CSMD3: variants seen among roughly 807,000 people sequenced by gnomAD.
The protein encoded by CSMD3 is CUB and Sushi multiple domains 3, also known as CUB and sushi domain-containing protein 3.
In CSMD3, 177 loss-of-function variants were observed where a neutral mutation model predicts 435.2. The ratio of observed to expected loss-of-function variants is 0.41; its 90% CI spans 0.36 to 0.46. The LOEUF is 0.46. Among genes scored for constraint, CSMD3 ranks in the 20% least tolerant of loss-of-function variants. The pLI is 0.34. For synonymous variants in CSMD3, 1,656 were observed against 1,520.5 expected (o/e 1.09, Z -2.07); for missense variants, 4,265 against 4,504.6 (o/e 0.95, Z 1.52).
intron 59 of CSMD3, among the ~76,000 whole-genome samples, chr8:112,279,966 T>C (rs1818466467): frequency 1.3e-5 from 2 of 152,084 alleles, no homozygotes; most frequent in South Asian, 4.1e-4. Context: ...ATATATTAAC[T>C]ACAACTGATT....
intron 47 of CSMD3, among the ~76,000 whole-genome samples, chr8:112,318,534 G>A (rs893798412): frequency 1.3e-5 from 2 of 152,066 alleles, no homozygotes; most frequent in African/African-American, 2.4e-5. Context: ...TTTATTTAAA[G>A]TGATTTCCCT....
At chr8:112,394,508 C>T (rs1388213733) in intron 35 of CSMD3, among the ~76,000 whole-genome samples, 1 of 152,162 alleles carries the variant, frequency 6.6e-6, no homozygotes, top group East Asian at 1.9e-4. Flanking sequence ...GCCCTCTGCT[C>T]TGCCTCTCTA....
intron 23 of CSMD3, among the ~76,000 whole-genome samples, chr8:112,583,458 T>C (rs1395810425): frequency 6.6e-6 from 1 of 152,024 alleles, no homozygotes; most frequent in Non-Finnish European, 1.5e-5. Flanking sequence ...TTTTTTTTAA[T>C]GTGAACATTA....
intron 8 of CSMD3, among the ~76,000 whole-genome samples, chr8:112,953,964 T>C (rs1295139146): frequency 3.3e-5 from 5 of 151,532 alleles, no homozygotes; most frequent in Non-Finnish European, 7.4e-5. Context: ...GTTTCTAATA[T>C]GCAACAGTAT....
chr8:112,948,702 T>C (rs2083699313), intron 8 of CSMD3, among the ~76,000 whole-genome samples: 1 of 151,216 alleles, frequency 6.6e-6, no homozygotes, highest in Non-Finnish European at 1.5e-5. Flanking sequence ...TTTATCAATT[T>C]ACCTGCTTTT....
intron 9 of CSMD3, among the ~76,000 whole-genome samples, chr8:112,938,737 G>T (rs745962186): frequency 6.6e-6 from 1 of 152,098 alleles, no homozygotes; most frequent in Non-Finnish European, 1.5e-5. Flanking sequence ...AATGAAATAT[G>T]ACAAAAGTGG....
At chr8:112,870,853 T>G (rs2446469) in intron 10 of CSMD3, among the ~76,000 whole-genome samples, 113,935 of 152,016 alleles carry the variant, frequency 0.75, 43,497 homozygotes, top group East Asian at 0.93. Flanking sequence ...AGCAGATAAA[T>G]CTGGTTTTAC....
At chr8:113,234,279 C>T (rs896768915) in intron 3 of CSMD3, among the ~76,000 whole-genome samples, 1 of 152,078 alleles carries the variant, frequency 6.6e-6, no homozygotes, top group African/African-American at 2.4e-5. Flanking sequence ...TACTGACAGA[C>T]ACTGGCATCG....
intron 1 of CSMD3, chr8:113,376,978 C>A: frequency 2.2e-6 from 3 of 1,352,058 alleles, no homozygotes; most frequent in Non-Finnish European, 2.0e-6. Context: ...GTGTGCGCTG[C>A]GCATGACCAG....
intron 10 of CSMD3, among the ~76,000 whole-genome samples, chr8:112,862,400 A>T (rs981516712): frequency 1.3e-5 from 2 of 151,908 alleles, no homozygotes; most frequent in African/African-American, 4.8e-5. Flanking sequence ...TCTTTTGCAG[A>T]TTTAGCAGTA....
At chr8:112,561,158 C>A (rs1828588245) in intron 24 of CSMD3, among the ~76,000 whole-genome samples, 2 of 151,598 alleles carry the variant, frequency 1.3e-5, no homozygotes, top group African/African-American at 4.8e-5. Context: ...CATAAATATG[C>A]AGAAATGTCT....
At chr8:113,269,677 T>C (rs1454135130) in intron 3 of CSMD3, among the ~76,000 whole-genome samples, 1 of 149,608 alleles carries the variant, frequency 6.7e-6, no homozygotes, top group African/African-American at 2.5e-5. Flanking sequence ...CCATCTGATC[T>C]TTGACAAACC....
intron 1 of CSMD3, among the ~76,000 whole-genome samples, chr8:113,327,705 G>C (rs1042811432): frequency 6.6e-6 from 1 of 151,830 alleles, no homozygotes; most frequent in Non-Finnish European, 1.5e-5. Flanking sequence ...TGCACATGTT[G>C]CTGTTATTTG....
intron 5 of CSMD3, among the ~76,000 whole-genome samples, chr8:113,064,874 C>T (rs779005998): frequency 6.6e-6 from 1 of 152,100 alleles, no homozygotes; most frequent in Non-Finnish European, 1.5e-5. Context: ...TATCCTGAAT[C>T]AACTCCATTA....
At chr8:112,503,576 C>G (rs1230501819) in intron 30 of CSMD3, among the ~76,000 whole-genome samples, 1 of 152,058 alleles carries the variant, frequency 6.6e-6, no homozygotes, top group African/African-American at 2.4e-5. Flanking sequence ...TGCCTGATAC[C>G]TTTCCTTTGG....
intron 2 of CSMD3, chr8:113,310,654 CTG>C (rs1480245507): frequency 9.9e-5 from 15 of 151,656 alleles, no homozygotes; most frequent in African/African-American, 3.6e-4. Flanking sequence ...TCTGGGAAGA[CTG>C]AGAGGTAATG....
chr8:112,847,382 G>GA (rs1210023993), intron 11 of CSMD3, among the ~76,000 whole-genome samples: 1 of 152,124 alleles, frequency 6.6e-6, no homozygotes, highest in African/African-American at 2.4e-5. Flanking sequence ...ATGGGGTGCA[G>GA]AAGTATGAGA....
rs924097965 is a variant in CSMD3, at chr8:112,314,637, T to C, written c.7361-20A>G. 1.9e-6 allele frequency: 3 copies of C among 1,576,116 alleles called. No individual in the cohort carries two copies. The highest frequency in any genetic ancestry group is 3.3e-5 in the Admixed American group (2 of 59,874). ...AGAGCACTGTCAAAGAAAAATGTCATTAAATAATGCCAGTCTTTTAGAGCC... is the reference window on the plus strand; with the variant it reads ...AGAGCACTGTCAAAGAAAAATGTCACTAAATAATGCCAGTCTTTTAGAGCC... On this transcript the variant is annotated intron_variant, in intron 47 of 70. Coordinates refer to ENST00000297405, the MANE Select transcript of CSMD3 (RefSeq NM_198123.2).
At chr8:113,208,779 T>TAC (rs1164604731) in intron 3 of CSMD3, among the ~76,000 whole-genome samples, 1 of 152,058 alleles carries the variant, frequency 6.6e-6, no homozygotes, top group East Asian at 1.9e-4. Context: ...ACCTTATATA[T>TAC]ACAGACATAT....
Sources: allele counts gnomAD v4.1 joint callset (sites outside exome capture counted in the v4.1 genomes callset), GRCh38; gene constraint gnomAD v4.1.1; transcripts MANE v1.5; gene names NCBI Gene and HGNC (gene_info 2026-07-23, HGNC 2026-07-21).